SLC14A2: variants seen among roughly 807,000 people sequenced by gnomAD.
SLC14A2 encodes the protein urea transporter 2.
A neutral mutation model predicts 104.6 loss-of-function variants in SLC14A2; 91 were observed. The ratio of observed to expected loss-of-function variants is 0.87; its 90% CI spans 0.73 to 1.04. SLC14A2 has a LOEUF of 1.04. Ranked by LOEUF, SLC14A2 falls within the 50% of genes least tolerant of loss-of-function variation. SLC14A2 has a pLI of 0.00. For synonymous variants in SLC14A2, 476 were observed against 466.4 expected (o/e 1.02, Z -0.27); for missense variants, 1,189 against 1,156.0 (o/e 1.03, Z -0.41).
At chr18:45,551,170 G>A in intron 2 of SLC14A2, among the ~76,000 whole-genome samples, 1 of 152,096 alleles carries the variant, frequency 6.6e-6, no homozygotes, top group East Asian at 1.9e-4. Flanking sequence ...GGAAAGACAT[G>A]AAGAAATACC....
chr18:45,656,652 C>T (rs535890884), intron 10 of SLC14A2, among the ~76,000 whole-genome samples: 2 of 152,214 alleles, frequency 1.3e-5, no homozygotes, highest in South Asian at 2.1e-4. Flanking sequence ...TCTGGTGTCC[C>T]GCAGTTAGAG....
rs56084837 is a variant in SLC14A2, at chr18:45,453,847, G to GTTT, written c.-124-29358_-124-29356dup. On this transcript the variant is annotated intron_variant, in intron 1 of 20. Coordinates refer to the SLC14A2 transcript ENST00000586448. ...AGTTCCGCTTTCTTTTTTCTTTTCTGTTTTTTTTTTTTTTTTTTTTTTTTT... is the reference window on the plus strand; with the variant it reads ...AGTTCCGCTTTCTTTTTTCTTTTCTGTTTTTTTTTTTTTTTTTTTTTTTTTTTT... Among the ~76,000 whole-genome samples the GTTT allele has an allele frequency of 1.8e-4, 16 of 91,342 alleles. 1 individual carries two copies. The highest frequency in any genetic ancestry group is 2.3e-4 in the Non-Finnish European group (11 of 48,088). 59.9% of individuals were successfully genotyped at this position (91,342 alleles called of 152,430 possible).
At chr18:45,665,688 C>CTTTCTTT (rs371437384) in intron 11 of SLC14A2, among the ~76,000 whole-genome samples, 11 of 79,296 alleles carry the variant, frequency 1.4e-4, no homozygotes, top group African/African-American at 6.1e-4. Context: ...AACCAAGTTT[C>CTTTCTTT]TTTTTTTTTT....
intron 2 of SLC14A2, among the ~76,000 whole-genome samples, chr18:45,594,134 G>C (rs993411878): frequency 6.6e-6 from 1 of 152,300 alleles, no homozygotes; most frequent in East Asian, 1.9e-4. Flanking sequence ...GATACAGACT[G>C]CAAGAGTGCA....
At chr18:45,436,154 T>C (rs1458638239) in intron 1 of SLC14A2, among the ~76,000 whole-genome samples, 1 of 152,026 alleles carries the variant, frequency 6.6e-6, no homozygotes, top group Non-Finnish European at 1.5e-5. Context: ...TAAATTGGAG[T>C]AAAATGTCCA....
intron 1 of SLC14A2, among the ~76,000 whole-genome samples, chr18:45,215,069 A>C (rs1047951071): frequency 6.6e-6 from 1 of 152,152 alleles, no homozygotes; most frequent in African/African-American, 2.4e-5. Context: ...TGTAGGAATG[A>C]GATGAAATTT....
intron 1 of SLC14A2, among the ~76,000 whole-genome samples, chr18:45,335,216 C>T (rs572193349): frequency 6.6e-6 from 1 of 152,130 alleles, no homozygotes; most frequent in African/African-American, 2.4e-5. Flanking sequence ...CTCTGATCAG[C>T]TTTTTGTCAC....
intron 2 of SLC14A2, among the ~76,000 whole-genome samples, chr18:45,581,761 G>T (rs996804663): frequency 2.6e-5 from 4 of 152,156 alleles, no homozygotes; most frequent in Admixed American, 6.5e-5. Context: ...AGCGGACTCT[G>T]AGTCCCGAAT....
intron 1 of SLC14A2, among the ~76,000 whole-genome samples, chr18:45,248,585 GGGT>G (rs1391896701): frequency 6.6e-6 from 1 of 152,134 alleles, no homozygotes; most frequent in Non-Finnish European, 1.5e-5. Context: ...TTGGAACTTG[GGGT>G]TACATGTTGA....
the SLC14A2 span, among the ~76,000 whole-genome samples, chr18:45,172,359 G>C: frequency 6.6e-6 from 1 of 152,034 alleles, no homozygotes; most frequent in East Asian, 1.9e-4. Flanking sequence ...ATACTGAAGA[G>C]GCTAAAATGG....
intron 1 of SLC14A2, among the ~76,000 whole-genome samples, chr18:45,459,703 A>C (rs1568217459): frequency 6.6e-6 from 1 of 152,210 alleles, no homozygotes; most frequent in Non-Finnish European, 1.5e-5. Flanking sequence ...TCCTGGCCTG[A>C]CATTCAGAGA....
chr18:45,305,163 T>C (rs1218757419), intron 1 of SLC14A2, among the ~76,000 whole-genome samples: 1 of 152,116 alleles, frequency 6.6e-6, no homozygotes, highest in East Asian at 1.9e-4. Flanking sequence ...AACAGCAAGG[T>C]CTAGGTGAGA....
chr18:45,402,509 G>A (rs2086107668), intron 1 of SLC14A2, among the ~76,000 whole-genome samples: 1 of 152,148 alleles, frequency 6.6e-6, no homozygotes, highest in African/African-American at 2.4e-5. Flanking sequence ...TTTATTGCAA[G>A]TGGGCCACTT....
chr18:45,579,688 C>T (rs746143016), intron 2 of SLC14A2, among the ~76,000 whole-genome samples: 13 of 152,180 alleles, frequency 8.5e-5, no homozygotes, highest in Admixed American at 1.3e-4. Flanking sequence ...TGCACCAGGC[C>T]CACAACAGGC....
rs193289160 is a variant in SLC14A2, at chr18:45,555,529, A to G, written c.-34-69102A>G. ...TCCTTAATACAATCTACAGAAAAAAAGCTCAACAGACTCTTCATGGCTGAT... is the reference window on the plus strand; with the variant it reads ...TCCTTAATACAATCTACAGAAAAAAGGCTCAACAGACTCTTCATGGCTGAT... On this transcript the variant is annotated intron_variant, in intron 2 of 20. Transcript: ENST00000586448. 1.3e-4 allele frequency among the ~76,000 whole-genome samples: 20 copies of G among 152,362 alleles called. No homozygotes were observed. The East Asian group carries it at 2.5e-3, about 19-fold the overall frequency.
rs574818783 is a variant in SLC14A2 at position 45,416,250 on chromosome 18, C to CTT, written c.-124-66967_-124-66966dup. Among the ~76,000 whole-genome samples, 312 of 125,198 alleles carry CTT rather than the reference C, an allele frequency of 2.5e-3. 6 individuals carry two copies. The highest frequency in any genetic ancestry group is 8.4e-3 in the African/African-American group (281 of 33,348). The allele number at this position is 125,198 out of a possible 152,430, so 82.1% of individuals were successfully genotyped here. A position where few individuals can be genotyped will look rare whatever the true frequency, so the allele number is the denominator to read the frequency against. ...CTTTGTAGGTTTCCTTTTTTGTTTC[C>CTT]TTTTTTTTTTTTTTTTTGCATACAC... On this transcript the variant is annotated intron_variant, in intron 1 of 20. Transcript: ENST00000586448.
At position 45,624,760 on chromosome 18, in the gene SLC14A2, G is replaced by T. The variant is rs374701802; in HGVS notation, c.96G>T (p.Ser32=). 6.2e-7 allele frequency: 1 copy of T among 1,613,142 alleles called. No individual in the cohort carries two copies. Among genetic ancestry groups the T allele is most frequent in the Non-Finnish European group, 8.5e-7 (1 of 1,179,650 alleles). The part of the protein sequence containing the change: ...EAEFTSPSWP[S]TSPDTHPALP... ...AGTTTACCAGCCCGAGCTGGCCCTCGACATCCCCGGATACTCACCCAGCTC... is the reference window on the plus strand; with the variant it reads ...AGTTTACCAGCCCGAGCTGGCCCTCTACATCCCCGGATACTCACCCAGCTC... Residue 32 remains serine, a synonymous_variant, in exon 2 of 20, where the codon TCG becomes TCT. Coordinates refer to ENST00000255226, the MANE Select transcript of SLC14A2 (RefSeq NM_007163.4).
chr18:45,185,906 G>C, the SLC14A2 span, among the ~76,000 whole-genome samples: 1 of 152,006 alleles, frequency 6.6e-6, no homozygotes, highest in Non-Finnish European at 1.5e-5. Flanking sequence ...ATATAAAACA[G>C]GCTTAAGTTT....
chr18:45,306,329 T>A (rs886596394), intron 1 of SLC14A2, among the ~76,000 whole-genome samples: 1 of 152,152 alleles, frequency 6.6e-6, no homozygotes, highest in African/African-American at 2.4e-5. Context: ...CAAATCTATT[T>A]CCCCATGCAT....
Sources: gnomAD v4.1 joint callset for allele counts (sites outside exome capture counted in the v4.1 genomes callset) on GRCh38, gnomAD v4.1.1 for gene constraint, MANE v1.5 for transcripts, NCBI Gene and HGNC (gene_info 2026-07-23, HGNC 2026-07-21) for gene names.